Variants in TFCP2L1 observed in about 807,000 individuals in gnomAD.
TFCP2L1 encodes the protein transcription factor CP2 like 1, also known as transcription factor CP2-like protein 1.
In TFCP2L1, 12 loss-of-function variants were observed where a neutral mutation model predicts 72.2. The observed-to-expected ratio is 0.17, with a 90% CI of 0.11 to 0.27. The LOEUF (loss-of-function observed/expected upper bound fraction) is 0.27, where lower values mean the gene tolerates loss of function less well. Ranked by LOEUF, TFCP2L1 falls within the 10% of genes least tolerant of loss-of-function variation. TFCP2L1 has a pLI of 1.00. For synonymous variants in TFCP2L1, 260 were observed against 251.0 expected (o/e 1.04, Z -0.34); for missense variants, 488 against 624.6 (o/e 0.78, Z 2.33).
At chr2:121,228,264 T>C (rs1199670301) in intron 13 of TFCP2L1, among the ~76,000 whole-genome samples, 1 of 152,198 alleles carries the variant, frequency 6.6e-6, no homozygotes, top group Non-Finnish European at 1.5e-5. Flanking sequence ...ACCCGTGATA[T>C]TGCAAGCGTT....
intron 2 of TFCP2L1, 139 bp from the exon 3 acceptor site, chr2:121,249,786 AC>A (rs1686567616): frequency 1.3e-6 from 1 of 797,286 alleles, no homozygotes; most frequent in Non-Finnish European, 2.0e-6. Context: ...AAGAAAACCC[AC>A]GACCAGCTCA....
chr2:121,226,691 C>A (rs550719658), intron 13 of TFCP2L1, among the ~76,000 whole-genome samples: 5 of 152,234 alleles, frequency 3.3e-5, no homozygotes, highest in African/African-American at 1.2e-4. Context: ...ACAAGCCAAC[C>A]TTTTTAACTT....
At chr2:121,259,053 G>A (rs1456388957) in intron 2 of TFCP2L1, among the ~76,000 whole-genome samples, 1 of 152,156 alleles carries the variant, frequency 6.6e-6, no homozygotes, top group Non-Finnish European at 1.5e-5. Flanking sequence ...TTCGAGACCA[G>A]CCTGACCAAT....
chr2:121,234,150 T>C lies in TFCP2L1; in HGVS notation c.1139A>G (p.Glu380Gly), dbSNP rs778432649. 2 of 1,614,138 alleles carry C rather than the reference T, an allele frequency of 1.2e-6. No homozygotes were observed. Among genetic ancestry groups the C allele is most frequent in the Non-Finnish European group, 1.7e-6 (2 of 1,180,030 alleles). ...CTGCTGCAGGGGCACTCGATTCTGC[T>C]CCAGCTCCTGACAGACATAAATGGT... ...KMTIYVCQELEQNRVPLQQKR... is the reference protein window; with the variant it reads ...KMTIYVCQELGQNRVPLQQKR... The change falls in exon 12 of 15, where the codon GAG becomes GGG. Residue 380 changes from glutamate (E) to glycine (G), a missense_variant. Coordinates refer to ENST00000263707, the MANE Select transcript of TFCP2L1 (RefSeq NM_014553.3).
At chr2:121,272,843 CAAAG>C (rs1406803932) in intron 2 of TFCP2L1, among the ~76,000 whole-genome samples, 4 of 152,136 alleles carry the variant, frequency 2.6e-5, no homozygotes, top group Non-Finnish European at 4.4e-5. Context: ...GAATTGGAGG[CAAAG>C]AAAGGTTCAG....
At chr2:121,275,841 G>A (rs538251276) in intron 2 of TFCP2L1, among the ~76,000 whole-genome samples, 2 of 152,316 alleles carry the variant, frequency 1.3e-5, no homozygotes, top group East Asian at 3.9e-4. Context: ...AAAGTGCTGG[G>A]ATTACAGGCG....
chr2:121,268,064 A>T (rs1686969197), intron 2 of TFCP2L1, among the ~76,000 whole-genome samples: 1 of 152,196 alleles, frequency 6.6e-6, no homozygotes, highest in African/African-American at 2.4e-5. Context: ...GTGAGCTACG[A>T]TCACAGCACT....
chr2:121,257,971 C>A (rs891773795), intron 2 of TFCP2L1, among the ~76,000 whole-genome samples: 22 of 152,106 alleles, frequency 1.4e-4, no homozygotes, highest in Admixed American at 1.3e-4. Context: ...GTCACCCCTA[C>A]CCCCAGCACC....
intron 2 of TFCP2L1, among the ~76,000 whole-genome samples, chr2:121,271,206 A>T (rs912187816): frequency 2.6e-5 from 4 of 152,040 alleles, no homozygotes; most frequent in Non-Finnish European, 4.4e-5. Flanking sequence ...AAAATAAAAA[A>T]AAAAAAACAA....
At chr2:121,233,345 C>A (rs1172493737) in intron 12 of TFCP2L1, among the ~76,000 whole-genome samples, 1 of 152,170 alleles carries the variant, frequency 6.6e-6, no homozygotes, top group Non-Finnish European at 1.5e-5. Flanking sequence ...TGTGACCATG[C>A]ATGGCTAATT....
chr2:121,241,431 A>C (rs1339098014), intron 7 of TFCP2L1, among the ~76,000 whole-genome samples: 1 of 152,166 alleles, frequency 6.6e-6, no homozygotes, highest in Non-Finnish European at 1.5e-5. Context: ...CAGGAGATGA[A>C]GGTTGCAGTG....
chr2:121,224,436 G>C (rs1573352187), intron 14 of TFCP2L1, 49 bp from the exon 15 acceptor site: 1 of 1,596,224 alleles, frequency 6.3e-7, no homozygotes. Flanking sequence ...AAGGTGCAGT[G>C]CCACAGTATT....
chr2:121,270,895 A>T (rs1281083472), intron 2 of TFCP2L1, among the ~76,000 whole-genome samples: 1 of 129,042 alleles, frequency 7.7e-6, no homozygotes. Flanking sequence ...TTTTTTTTTT[A>T]AAGCAAGTTG....
chr2:121,248,149 C>T lies in TFCP2L1; in HGVS notation c.504+15G>A. ...ACTAGGTCTTCCCCTGGAGGGCAAG[C>T]TCCCTGTGGCCCACCTGAATGAATG... On this transcript the variant is annotated intron_variant, in intron 5 of 14. Transcript: ENST00000263707. The T allele has an allele frequency of 6.2e-6, 10 of 1,611,494 alleles. No individual in the cohort carries two copies. The highest frequency in any genetic ancestry group is 8.5e-6 in the Non-Finnish European group (10 of 1,178,660).
At chr2:121,265,865 CTTTTT>C (rs559969459) in intron 2 of TFCP2L1, among the ~76,000 whole-genome samples, 3 of 131,614 alleles carry the variant, frequency 2.3e-5, no homozygotes, top group Admixed American at 7.8e-5. Context: ...AAGTAGTAAT[CTTTTT>C]TTTTTTTTTT....
chr2:121,251,589 A>G (rs1274211091), intron 2 of TFCP2L1, among the ~76,000 whole-genome samples: 1 of 152,246 alleles, frequency 6.6e-6, no homozygotes, highest in Non-Finnish European at 1.5e-5. Flanking sequence ...GACAGGAGGA[A>G]TAACTTCAAG....
intron 2 of TFCP2L1, among the ~76,000 whole-genome samples, chr2:121,254,159 G>A (rs1019724423): frequency 1.3e-5 from 2 of 152,186 alleles, no homozygotes; most frequent in African/African-American, 4.8e-5. Context: ...GCACACAGTA[G>A]GTACTCAGCA....
chr2:121,267,017 A>G (rs1258701475), intron 2 of TFCP2L1, among the ~76,000 whole-genome samples: 1 of 151,834 alleles, frequency 6.6e-6, no homozygotes, highest in Non-Finnish European at 1.5e-5. Flanking sequence ...GGTGCAAGTG[A>G]TTCTCCTGCC....
At chr2:121,269,918 A>AAAAAAATAT in intron 2 of TFCP2L1, among the ~76,000 whole-genome samples, 3 of 115,168 alleles carry the variant, frequency 2.6e-5, no homozygotes, top group African/African-American at 3.7e-5. Context: ...AAAAAAAAAA[A>AAAAAAATAT]ATATATATAT....
Sources: gnomAD v4.1 joint callset for allele counts (sites outside exome capture counted in the v4.1 genomes callset) on GRCh38, gnomAD v4.1.1 for gene constraint, MANE v1.5 for transcripts, NCBI Gene and HGNC (gene_info 2026-07-23, HGNC 2026-07-21) for gene names.